HS6ST3: variants seen among roughly 807,000 people sequenced by gnomAD.
HS6ST3 encodes heparan-sulfate 6-O-sulfotransferase 3.
In HS6ST3, 12 loss-of-function variants were observed where a neutral mutation model predicts 36.7. The ratio of observed to expected loss-of-function variants is 0.33; its 90% CI spans 0.21 to 0.53. HS6ST3 has a LOEUF of 0.53. HS6ST3 is among the 20% of genes least tolerant of loss of function. The pLI is 0.95. For synonymous variants in HS6ST3, 240 were observed against 257.5 expected (o/e 0.93, Z 0.65); for missense variants, 584 against 640.9 (o/e 0.91, Z 0.96).
intron 1 of HS6ST3, among the ~76,000 whole-genome samples, chr13:96,562,516 A>G: frequency 6.6e-6 from 1 of 152,172 alleles, no homozygotes; most frequent in Non-Finnish European, 1.5e-5. Flanking sequence ...AACCCAAAAT[A>G]AAAGTTGAAA....
chr13:96,738,981 T>C (rs757319102), intron 1 of HS6ST3, among the ~76,000 whole-genome samples: 109 of 152,334 alleles, frequency 7.2e-4, no homozygotes, highest in Non-Finnish European at 1.2e-3. Flanking sequence ...TTCTCGTCAA[T>C]ATAACCAATG....
intron 1 of HS6ST3, among the ~76,000 whole-genome samples, chr13:96,752,126 C>CT (rs1197250994): frequency 2.6e-5 from 4 of 151,718 alleles, no homozygotes; most frequent in African/African-American, 9.7e-5. Flanking sequence ...TACTATACTG[C>CT]TTTTTTTTCA....
chr13:96,106,212 A>G (rs140216346), intron 1 of HS6ST3, among the ~76,000 whole-genome samples: 1 of 152,372 alleles, frequency 6.6e-6, no homozygotes, highest in African/African-American at 2.4e-5. Context: ...AGCTTAATGC[A>G]TCCCTTCATG....
At chr13:96,211,420 C>T (rs965099002) in intron 1 of HS6ST3, among the ~76,000 whole-genome samples, 5 of 152,110 alleles carry the variant, frequency 3.3e-5, no homozygotes, top group Non-Finnish European at 5.9e-5. Context: ...CAGTGATAAC[C>T]CCACGACTAC....
intron 1 of HS6ST3, among the ~76,000 whole-genome samples, chr13:96,432,041 A>G (rs2055618236): frequency 6.6e-6 from 1 of 152,098 alleles, no homozygotes. Context: ...AATCTCTCCA[A>G]CCAGAAGTGG....
chr13:96,753,185 CT>C (rs377269205), intron 1 of HS6ST3, among the ~76,000 whole-genome samples: 5 of 152,274 alleles, frequency 3.3e-5, no homozygotes, highest in African/African-American at 1.2e-4. Context: ...TTCTCACAAA[CT>C]ATTAATCTTT....
At chr13:96,727,091 C>A (rs944420197) in intron 1 of HS6ST3, among the ~76,000 whole-genome samples, 2 of 152,130 alleles carry the variant, frequency 1.3e-5, no homozygotes, top group African/African-American at 2.4e-5. Context: ...GGAAAAGGAT[C>A]ATTTTCTGTC....
intron 1 of HS6ST3, among the ~76,000 whole-genome samples, chr13:96,516,829 A>G (rs1230124146): frequency 1.3e-5 from 2 of 152,212 alleles, no homozygotes; most frequent in Non-Finnish European, 2.9e-5. Flanking sequence ...CTAGTGGCAT[A>G]CACAGTAGGC....
intron 1 of HS6ST3, among the ~76,000 whole-genome samples, chr13:96,429,312 T>G (rs927709): frequency 0.22 from 32,765 of 152,108 alleles, 3,865 homozygotes; most frequent in African/African-American, 0.32. Context: ...AGAAGCAGCG[T>G]GATATTATAA....
intron 1 of HS6ST3, among the ~76,000 whole-genome samples, chr13:96,460,858 C>G (rs1371487551): frequency 2.0e-5 from 3 of 152,164 alleles, no homozygotes; most frequent in Non-Finnish European, 2.9e-5. Flanking sequence ...AGCATATAGT[C>G]AGGAAGTATA....
intron 1 of HS6ST3, among the ~76,000 whole-genome samples, chr13:96,210,384 A>G (rs2054392864): frequency 6.6e-6 from 1 of 152,164 alleles, no homozygotes. Flanking sequence ...GCCACTGTAG[A>G]GGCACAGGCA....
At chr13:96,811,291 G>T (rs1878312113) in intron 1 of HS6ST3, among the ~76,000 whole-genome samples, 1 of 152,116 alleles carries the variant, frequency 6.6e-6, no homozygotes, top group African/African-American at 2.4e-5. Flanking sequence ...AGGAAGAAAT[G>T]GTCCTATTTT....
intron 1 of HS6ST3, among the ~76,000 whole-genome samples, chr13:96,341,556 G>C (rs942366778): frequency 6.6e-6 from 1 of 151,936 alleles, no homozygotes; most frequent in Non-Finnish European, 1.5e-5. Context: ...TCTCACCCTG[G>C]GGATCTACAG....
At chr13:96,140,526 C>T (rs1404719217) in intron 1 of HS6ST3, among the ~76,000 whole-genome samples, 1 of 152,010 alleles carries the variant, frequency 6.6e-6, no homozygotes, top group Non-Finnish European at 1.5e-5. Flanking sequence ...TGGAAGTGGT[C>T]CCAAGAAGCA....
chr13:96,324,918 T>C (rs1301724249), intron 1 of HS6ST3, among the ~76,000 whole-genome samples: 5 of 152,226 alleles, frequency 3.3e-5, no homozygotes, highest in Non-Finnish European at 7.3e-5. Context: ...GCCACCTAGT[T>C]TGGGGTGCTT....
chr13:96,732,452 T>C (rs1363522429), intron 1 of HS6ST3, among the ~76,000 whole-genome samples: 1 of 152,202 alleles, frequency 6.6e-6, no homozygotes, highest in Non-Finnish European at 1.5e-5. Flanking sequence ...TGTGCGTTCT[T>C]GGTGCCTTTG....
intron 1 of HS6ST3, among the ~76,000 whole-genome samples, chr13:96,738,586 A>G: frequency 6.6e-6 from 1 of 152,124 alleles, no homozygotes; most frequent in Non-Finnish European, 1.5e-5. Flanking sequence ...AAATAGCAGA[A>G]CATTTTTTCC....
intron 1 of HS6ST3, among the ~76,000 whole-genome samples, chr13:96,238,449 G>C (rs577698038): frequency 3.9e-5 from 6 of 152,126 alleles, no homozygotes; most frequent in African/African-American, 9.7e-5. Context: ...GGCCGACAAG[G>C]CTCTTTTGTT....
At chr13:96,144,211 A>G (rs1454688468) in intron 1 of HS6ST3, among the ~76,000 whole-genome samples, 1 of 152,216 alleles carries the variant, frequency 6.6e-6, no homozygotes, top group African/African-American at 2.4e-5. Context: ...CTAGTATAGA[A>G]CATATTAGTA....
Sources: allele counts gnomAD v4.1 joint callset (sites outside exome capture counted in the v4.1 genomes callset), GRCh38; gene constraint gnomAD v4.1.1; transcripts MANE v1.5; gene names NCBI Gene and HGNC (gene_info 2026-07-23, HGNC 2026-07-21).